Variants in RBBP8 observed in about 807,000 individuals in gnomAD.
RBBP8 encodes the protein DNA endonuclease RBBP8.
A neutral mutation model predicts 108.3 loss-of-function variants in RBBP8; 88 were observed. The observed-to-expected ratio is 0.81, with a 90% CI of 0.68 to 0.97. RBBP8 has a LOEUF of 0.97. Ranked by LOEUF, RBBP8 falls within the 50% of genes least tolerant of loss-of-function variation. RBBP8 has a pLI of 0.00. For missense variants in RBBP8, 1,023 were observed against 1,049.0 expected, an observed-to-expected ratio of 0.98 and a Z score of 0.34; for synonymous variants, 332 against 348.2, an observed-to-expected ratio of 0.95 and a Z score of 0.52.
chr18:22,983,113 A>G (rs143951438), intron 7 of RBBP8, among the ~76,000 whole-genome samples: 1,576 of 152,328 alleles, frequency 0.01, 23 homozygotes, highest in African/African-American at 0.036. Context: ...CATTTCTGCT[A>G]AATGCTTTAA....
chr18:22,946,952 T>C (rs1483844906), intron 3 of RBBP8, among the ~76,000 whole-genome samples: 1 of 152,108 alleles, frequency 6.6e-6, no homozygotes, highest in Non-Finnish European at 1.5e-5. Context: ...AGTTTGAAAT[T>C]ACTTGAAGAT....
chr18:23,022,580 C>T (rs537624795), intron 18 of RBBP8, among the ~76,000 whole-genome samples: 15 of 100,126 alleles, frequency 1.5e-4, no homozygotes, highest in African/African-American at 4.4e-4. Context: ...CCAGCCTGGG[C>T]GACAGAACAA....
At chr18:22,939,377 G>A (rs188647936) in intron 2 of RBBP8, among the ~76,000 whole-genome samples, 1 of 152,148 alleles carries the variant, frequency 6.6e-6, no homozygotes, top group African/African-American at 2.4e-5. Context: ...GTGGTGGTGC[G>A]CACCTGTAAT....
chr18:22,963,164 C>T (rs1044883075), intron 4 of RBBP8, among the ~76,000 whole-genome samples: 2 of 152,030 alleles, frequency 1.3e-5, no homozygotes, highest in South Asian at 2.1e-4. Context: ...CTGTTTACTT[C>T]AAAAATCTCT....
At position 22,993,143 on chromosome 18, in the gene RBBP8, C is replaced by A; in HGVS notation, c.1316C>A (p.Ser439Ter). 6.2e-7 allele frequency: 1 copy of A among 1,613,984 alleles called. No homozygotes were observed. The highest frequency in any genetic ancestry group is 1.1e-5 in the South Asian group (1 of 91,072). The change falls in exon 11 of 19, where the codon TCA (serine) becomes TAA (stop). Residue 439 changes from serine (S) to a stop codon, truncating the protein, a stop_gained. Coordinates refer to ENST00000327155, the MANE Select transcript of RBBP8 (RefSeq NM_002894.3). LOFTEE classifies it high-confidence loss of function. Reference protein sequence around the residue: ...NTDKHLEPLKSLGGRTSKRKK... With the variant: ...NTDKHLEPLK Reference sequence around the variant, plus strand: ...GATAAACATTTGGAGCCCCTGAAATCATTGGGAGGCCGAACATCCAAAAGG... The same window carrying A: ...GATAAACATTTGGAGCCCCTGAAATAATTGGGAGGCCGAACATCCAAAAGG...
intron 4 of RBBP8, among the ~76,000 whole-genome samples, chr18:22,953,850 A>T (rs1401950378): frequency 6.6e-6 from 1 of 152,042 alleles, no homozygotes; most frequent in Non-Finnish European, 1.5e-5. Context: ...ACAGTTCTGC[A>T]GAGCTGGGGA....
chr18:23,008,596 A>G (rs946860261), intron 16 of RBBP8, among the ~76,000 whole-genome samples: 1 of 152,060 alleles, frequency 6.6e-6, no homozygotes, highest in African/African-American at 2.4e-5. Flanking sequence ...AGCTTCTTTC[A>G]TAGGTTTCTT....
chr18:22,945,517 A>G (rs1170846167), intron 2 of RBBP8, among the ~76,000 whole-genome samples: 1 of 151,774 alleles, frequency 6.6e-6, no homozygotes, highest in Non-Finnish European at 1.5e-5. Flanking sequence ...CCGAGTAGCT[A>G]GGGTTACAAG....
chr18:22,948,135 T>A (rs7350981), intron 3 of RBBP8, among the ~76,000 whole-genome samples: 39 of 152,230 alleles, frequency 2.6e-4, no homozygotes, highest in South Asian at 4.1e-4. Flanking sequence ...TATTTTATGA[T>A]ACAGATTATT....
At chr18:22,946,509 CAT>C (rs759721601) in intron 3 of RBBP8, 23 bp downstream of exon 3, 76 of 1,611,266 alleles carry the variant, frequency 4.7e-5, no homozygotes, top group Non-Finnish European at 5.8e-5. Context: ...ATGTAATACT[CAT>C]GTGTTATTTA....
Position 22,965,935 on chromosome 18 carries a change from A to C in RBBP8, c.249-2871A>C, listed in dbSNP as rs145477228. ...TGCTGAGCACTTGTCTGCAACTGAG[A>C]AGCTCAGTTTTTATTTTTATTTTAT... On this transcript the variant is annotated intron_variant, in intron 4 of 18. Coordinates refer to ENST00000327155, the MANE Select transcript of RBBP8 (RefSeq NM_002894.3). 9.9e-5 allele frequency among the ~76,000 whole-genome samples: 15 copies of C among 152,280 alleles called. No individual in the cohort carries two copies. The East Asian group carries it at 2.9e-3, about 29-fold the overall frequency.
chr18:23,018,684 G>A (rs997301088), intron 17 of RBBP8, among the ~76,000 whole-genome samples: 4 of 152,120 alleles, frequency 2.6e-5, no homozygotes, highest in African/African-American at 7.2e-5. Context: ...AAAATAGTCT[G>A]TACATGTTAA....
chr18:23,003,314 T>C (rs1181820238), intron 15 of RBBP8, among the ~76,000 whole-genome samples: 2 of 152,196 alleles, frequency 1.3e-5, no homozygotes, highest in Non-Finnish European at 2.9e-5. Context: ...AACCAAATAA[T>C]CTTCAAACGT....
Position 22,987,674 on chromosome 18 carries a change from T to A in RBBP8, c.710-1547T>A, listed in dbSNP as rs563680960. Among the ~76,000 whole-genome samples the A allele has an allele frequency of 9.9e-5, 15 of 152,210 alleles. No homozygotes were observed. In the South Asian group the frequency reaches 2.7e-3, roughly 27 times the overall value. ...ACCATGTTGCCAAGGCTGGTCTTGC[T>A]CTCCTAGTCTCAAGCAGGCTCCACC... On this transcript the variant is annotated intron_variant, in intron 8 of 18. Transcript: ENST00000327155.
chr18:22,995,233 AT>A (rs538550635), intron 12 of RBBP8, among the ~76,000 whole-genome samples: 3 of 150,666 alleles, frequency 2.0e-5, no homozygotes, highest in African/African-American at 7.3e-5. Flanking sequence ...ATCATTCATG[AT>A]TTTTTTTGAG....
upstream of RBBP8, among the ~76,000 whole-genome samples, chr18:22,932,125 T>G (rs961063074): frequency 2.0e-5 from 3 of 152,198 alleles, no homozygotes; most frequent in African/African-American, 7.2e-5. Context: ...GGTTTCTGAC[T>G]TGCATAAATG....
intron 2 of RBBP8, among the ~76,000 whole-genome samples, chr18:22,945,115 T>C (rs112661055): frequency 0.016 from 2,377 of 152,252 alleles, 60 homozygotes; most frequent in African/African-American, 0.051. Context: ...CAACTAGTAA[T>C]TATTTATTGG....
At chr18:22,941,688 T>G (rs1276184265) in intron 2 of RBBP8, among the ~76,000 whole-genome samples, 1 of 152,040 alleles carries the variant, frequency 6.6e-6, no homozygotes, top group Non-Finnish European at 1.5e-5. Flanking sequence ...TCCTTTAAAG[T>G]GTACTCCTCA....
intron 5 of RBBP8, among the ~76,000 whole-genome samples, chr18:22,972,875 G>T (rs1473369704): frequency 6.6e-6 from 1 of 152,098 alleles, no homozygotes; most frequent in African/African-American, 2.4e-5. Context: ...GAGAATCCTT[G>T]CTTTGCTGAT....
Sources: allele counts gnomAD v4.1 joint callset (sites outside exome capture counted in the v4.1 genomes callset), GRCh38; gene constraint gnomAD v4.1.1; transcripts MANE v1.5; gene names NCBI Gene and HGNC (gene_info 2026-07-23, HGNC 2026-07-21).